CNTN5: variants seen among roughly 807,000 people sequenced by gnomAD.
The protein encoded by CNTN5 is contactin-5.
Under a neutral mutation model 129.1 loss-of-function variants are expected in CNTN5, and 77 were observed. That is an observed-to-expected ratio of 0.60 (90% CI 0.50 to 0.72). The LOEUF is 0.72. CNTN5 is among the 30% of genes least tolerant of loss of function. CNTN5 has a pLI of 0.00. For synonymous variants in CNTN5, 509 were observed against 465.6 expected, an observed-to-expected ratio of 1.09 and a Z score of -1.20; for missense variants, 1,478 against 1,328.8, an observed-to-expected ratio of 1.11 and a Z score of -1.75.
intron 16 of CNTN5, among the ~76,000 whole-genome samples, chr11:100,227,563 T>G (rs1949404224): frequency 6.6e-6 from 1 of 152,220 alleles, no homozygotes; most frequent in African/African-American, 2.4e-5. Context: ...GATTGCTTTT[T>G]TCGTAAATAA....
At chr11:99,320,285 C>G (rs1198411398) in intron 1 of CNTN5, among the ~76,000 whole-genome samples, 1 of 152,076 alleles carries the variant, frequency 6.6e-6, no homozygotes, top group Non-Finnish European at 1.5e-5. Flanking sequence ...ATGGTTTATA[C>G]AGCTAGGAAG....
At chr11:99,781,411 A>C (rs1465582313) in intron 3 of CNTN5, among the ~76,000 whole-genome samples, 1 of 152,100 alleles carries the variant, frequency 6.6e-6, no homozygotes, top group African/African-American at 2.4e-5. Context: ...CCTTAATAAT[A>C]ACTTCTTAAG....
intron 2 of CNTN5, among the ~76,000 whole-genome samples, chr11:99,470,886 T>C (rs1254269025): frequency 6.6e-6 from 1 of 152,138 alleles, no homozygotes; most frequent in Non-Finnish European, 1.5e-5. Context: ...TTCACAAGTA[T>C]AGATTCATGG....
At chr11:99,160,855 C>T (rs552601769) in intron 1 of CNTN5, among the ~76,000 whole-genome samples, 89 of 152,242 alleles carry the variant, frequency 5.8e-4, no homozygotes, top group African/African-American at 2.1e-3. Context: ...GAAAGAGATA[C>T]ATATTACATG....
intron 1 of CNTN5, among the ~76,000 whole-genome samples, chr11:99,056,234 A>G (rs975545699): frequency 1.3e-5 from 2 of 152,028 alleles, no homozygotes; most frequent in African/African-American, 4.8e-5. Flanking sequence ...CGTATTTTCT[A>G]CAGGAGGAAA....
At chr11:100,285,764 G>A (rs183497400) in intron 18 of CNTN5, among the ~76,000 whole-genome samples, 51 of 152,290 alleles carry the variant, frequency 3.3e-4, no homozygotes, top group African/African-American at 1.1e-3. Context: ...CAAGATGGCC[G>A]AATAGGAACA....
chr11:99,526,576 TCAA>T (rs1375638311), intron 2 of CNTN5, among the ~76,000 whole-genome samples: 2 of 152,196 alleles, frequency 1.3e-5, no homozygotes, highest in African/African-American at 4.8e-5. Flanking sequence ...TTGGAGCTGA[TCAA>T]CAAGTGGGAA....
At chr11:99,752,992 C>T (rs550513604) in intron 3 of CNTN5, among the ~76,000 whole-genome samples, 1 of 152,018 alleles carries the variant, frequency 6.6e-6, no homozygotes, top group East Asian at 1.9e-4. Flanking sequence ...TTGACTATAA[C>T]CTATAGGAAG....
intron 13 of CNTN5, among the ~76,000 whole-genome samples, chr11:100,079,042 G>A (rs150880465): frequency 2.6e-4 from 40 of 152,172 alleles, no homozygotes; most frequent in Middle Eastern, 3.4e-3. Flanking sequence ...CCAAGGAAAG[G>A]GGGAAGAGTG....
Position 100,061,207 on chromosome 11 carries a change from C to G in CNTN5, c.981-5C>G, listed in dbSNP as rs113132209. 2 of 1,603,278 alleles carry G rather than the reference C, an allele frequency of 1.2e-6. No individual in the cohort carries two copies. The highest frequency in any genetic ancestry group is 1.7e-6 in the Non-Finnish European group (2 of 1,171,546). On this transcript the variant is annotated splice_polypyrimidine_tract_variant and splice_region_variant and intron_variant, in intron 9 of 24. Transcript: ENST00000524871. ...TATTAACAGTATTTTTGTTCCCTAT[C>G]GTAGCCCCGTTCCAACAATCACATG...
At chr11:99,635,070 G>A (rs527481353) in intron 3 of CNTN5, among the ~76,000 whole-genome samples, 1 of 152,198 alleles carries the variant, frequency 6.6e-6, no homozygotes, top group Non-Finnish European at 1.5e-5. Flanking sequence ...TTCCTGGACA[G>A]AAGTGGAAAT....
intron 4 of CNTN5, among the ~76,000 whole-genome samples, chr11:99,835,244 A>T (rs1947266045): frequency 6.6e-6 from 1 of 152,218 alleles, no homozygotes; most frequent in Non-Finnish European, 1.5e-5. Flanking sequence ...TATTCTTCGT[A>T]ACATGAGGCT....
At chr11:99,778,205 A>G (rs1945191823) in intron 3 of CNTN5, among the ~76,000 whole-genome samples, 1 of 151,794 alleles carries the variant, frequency 6.6e-6, no homozygotes, top group Admixed American at 6.6e-5. Context: ...TGGATTCCCA[A>G]AAACATTCTT....
chr11:100,080,405 T>C (rs908221673), intron 13 of CNTN5, among the ~76,000 whole-genome samples: 10 of 152,254 alleles, frequency 6.6e-5, no homozygotes, highest in African/African-American at 2.4e-4. Context: ...ATTTTCAACT[T>C]ATTTAACACG....
chr11:100,088,276 A>G (rs1944631370), intron 13 of CNTN5, among the ~76,000 whole-genome samples: 1 of 151,990 alleles, frequency 6.6e-6, no homozygotes, highest in Non-Finnish European at 1.5e-5. Flanking sequence ...CTAAATGCCT[A>G]CCTTGAAACA....
chr11:99,972,117 C>G (rs920969800), intron 8 of CNTN5, among the ~76,000 whole-genome samples: 20 of 131,968 alleles, frequency 1.5e-4, no homozygotes, highest in African/African-American at 5.8e-4. Context: ...AAAAATTAGC[C>G]GGGCGTGGTG....
intron 9 of CNTN5, among the ~76,000 whole-genome samples, chr11:100,052,914 C>G (rs1226980015): frequency 2.6e-5 from 4 of 151,768 alleles, no homozygotes; most frequent in African/African-American, 9.6e-5. Context: ...TACCTGCCTT[C>G]TAAAGTCCAT....
intron 3 of CNTN5, among the ~76,000 whole-genome samples, chr11:99,677,049 A>G (rs185329515): frequency 4.9e-4 from 74 of 152,182 alleles, no homozygotes; most frequent in African/African-American, 1.7e-3. Flanking sequence ...CTCAATAACT[A>G]TTTTTAAAAT....
chr11:99,028,587 C>T (rs1863213936), intron 1 of CNTN5, among the ~76,000 whole-genome samples: 1 of 151,852 alleles, frequency 6.6e-6, no homozygotes, highest in Admixed American at 6.6e-5. Context: ...TTTAAAGTGA[C>T]TTTGGTTCCA....
Sources: gnomAD v4.1 joint callset for allele counts (sites outside exome capture counted in the v4.1 genomes callset) on GRCh38, gnomAD v4.1.1 for gene constraint, MANE v1.5 for transcripts, NCBI Gene and HGNC (gene_info 2026-07-23, HGNC 2026-07-21) for gene names.